SP140: variants seen among roughly 807,000 people sequenced by gnomAD.
The protein encoded by SP140 is nuclear body protein SP140.
In SP140, 81 loss-of-function variants were observed where a neutral mutation model predicts 125.0. That is an observed-to-expected ratio of 0.65 (90% CI 0.54 to 0.78). SP140 has a LOEUF of 0.78. SP140 is among the 30% of genes least tolerant of loss of function. The pLI, the probability that SP140 is intolerant of heterozygous loss-of-function variation, is 0.00. For missense variants in SP140, 858 were observed against 1,037.0 expected (o/e 0.83, Z 2.37); for synonymous variants, 312 against 354.0 (o/e 0.88, Z 1.33).
chr2:230,297,062 C>T (rs1344966927), intron 21 of SP140, among the ~76,000 whole-genome samples: 1 of 152,202 alleles, frequency 6.6e-6, no homozygotes, highest in Non-Finnish European at 1.5e-5. Context: ...GCACTCAGAA[C>T]AAGGAGAGGT....
the SP140 span, among the ~76,000 whole-genome samples, chr2:230,195,617 G>A: frequency 2.0e-4 from 31 of 152,054 alleles, no homozygotes; most frequent in South Asian, 3.9e-3. Flanking sequence ...GGCATGAGCC[G>A]GCATGCCTTA....
At chr2:230,310,602 T>C in intron 23 of SP140, 141 bp from the exon 24 acceptor site, 1 of 1,575,628 alleles carries the variant, frequency 6.3e-7, no homozygotes, top group East Asian at 2.3e-5. Context: ...CATGTGTGAA[T>C]CTTGCATACT....
chr2:230,238,701 G>A, intron 3 of SP140: 1 of 1,297,922 alleles, frequency 7.7e-7, no homozygotes, highest in Non-Finnish European at 1.1e-6. Context: ...TGGGAAAGGA[G>A]GAAGCCTTCT....
At chr2:230,217,292 G>A (rs571854374) in intron 3 of SP140, among the ~76,000 whole-genome samples, 2 of 151,362 alleles carry the variant, frequency 1.3e-5, no homozygotes, top group South Asian at 4.2e-4. Flanking sequence ...AGGAATGTGG[G>A]AAGCTTCTCT....
chr2:230,237,963 C>T lies in SP140; in HGVS notation c.238-250C>T, dbSNP rs951495778. Reference sequence around the variant, plus strand: ...AACCTGGCCAGGCTCTAAAGCCATACACAACATTCAACTTTGAACCCACAC... The same window carrying T: ...AACCTGGCCAGGCTCTAAAGCCATATACAACATTCAACTTTGAACCCACAC... On this transcript the variant is annotated intron_variant, in intron 2 of 26. Transcript: ENST00000392045. The surrounding 1 kb of genome is among the most constrained non-coding windows in gnomAD (Gnocchi z 5.4). 3.2e-4 allele frequency among the ~76,000 whole-genome samples: 48 copies of T among 152,184 alleles called. No homozygotes were observed. Among genetic ancestry groups the T allele is most frequent in the South Asian group, 1.2e-3 (6 of 4,826 alleles).
chr2:230,198,689 G>T (rs1240941170), upstream of SP140, among the ~76,000 whole-genome samples: 1 of 151,984 alleles, frequency 6.6e-6, no homozygotes, highest in Non-Finnish European at 1.5e-5. Context: ...CTGCCTCCTG[G>T]GTTCAAGCAA....
At chr2:230,228,764 T>C (rs1047207539) in intron 1 of SP140, among the ~76,000 whole-genome samples, 2 of 152,222 alleles carry the variant, frequency 1.3e-5, no homozygotes, top group South Asian at 4.1e-4. Context: ...CCTTTATGTT[T>C]AACCTATCTG....
At chr2:230,214,493 C>T (rs2044873378) in intron 3 of SP140, among the ~76,000 whole-genome samples, 1 of 152,144 alleles carries the variant, frequency 6.6e-6, no homozygotes, top group African/African-American at 2.4e-5. Flanking sequence ...TTAAAAATGA[C>T]TTCAAAGGGT....
downstream of SP140, among the ~76,000 whole-genome samples, chr2:230,316,165 G>T (rs1329503312): frequency 2.0e-5 from 3 of 152,178 alleles, no homozygotes; most frequent in African/African-American, 7.2e-5. Flanking sequence ...GGCCTGATAA[G>T]TGAGAAATAT....
At chr2:230,245,534 T>C (rs2049308377) in intron 6 of SP140, among the ~76,000 whole-genome samples, 1 of 151,780 alleles carries the variant, frequency 6.6e-6, no homozygotes, top group Admixed American at 6.6e-5. Flanking sequence ...GTAACAAACA[T>C]CACGAAGGAA....
At chr2:230,238,099 A>G (rs1408649806) in intron 2 of SP140, 114 bp from the exon 3 acceptor site, 2 of 721,456 alleles carry the variant, frequency 2.8e-6, no homozygotes, top group Non-Finnish European at 4.5e-6. Context: ...AGTCATCCAA[A>G]TATACGCAAA....
chr2:230,204,181 C>A (rs2043497470), intron 1 of SP140, among the ~76,000 whole-genome samples: 1 of 152,180 alleles, frequency 6.6e-6, no homozygotes, highest in Non-Finnish European at 1.5e-5. Flanking sequence ...GGTAGCTTGG[C>A]AGAGAGATGT....
At chr2:230,310,473 G>A in intron 23 of SP140, 3 of 735,826 alleles carry the variant, frequency 4.1e-6, no homozygotes, top group Non-Finnish European at 6.5e-6. Context: ...AGGGTTCCCT[G>A]TGCTCCCAGC....
At chr2:230,233,920 A>G (rs1296655587) in intron 1 of SP140, among the ~76,000 whole-genome samples, 2 of 152,262 alleles carry the variant, frequency 1.3e-5, no homozygotes, top group African/African-American at 4.8e-5. Context: ...TATTATGTGA[A>G]GAGTTTTACT....
chr2:230,301,755 G>A (rs2058303076), intron 22 of SP140, among the ~76,000 whole-genome samples: 3 of 152,142 alleles, frequency 2.0e-5, no homozygotes, highest in Admixed American at 2.0e-4. Context: ...GCAACAGCTA[G>A]CATGATGAAT....
chr2:230,279,779 A>G (rs1217852427), intron 15 of SP140, among the ~76,000 whole-genome samples: 1 of 151,886 alleles, frequency 6.6e-6, no homozygotes, highest in Admixed American at 6.6e-5. Context: ...ACAACAGCTG[A>G]TCTGTTTTTT....
At chr2:230,273,057 C>G (rs1389149126) in intron 15 of SP140, among the ~76,000 whole-genome samples, 1 of 152,032 alleles carries the variant, frequency 6.6e-6, no homozygotes, top group Non-Finnish European at 1.5e-5. Context: ...GACAAAGATG[C>G]CAAAAGCAAT....
intron 15 of SP140, among the ~76,000 whole-genome samples, chr2:230,283,217 G>T (rs147449830): frequency 1.0e-3 from 157 of 152,320 alleles, no homozygotes; most frequent in African/African-American, 3.6e-3. Flanking sequence ...TCTTCTGAAA[G>T]ACAGATATCA....
In SP140 at chr2:230,211,207, G is replaced by A. The variant is rs886141134; in HGVS notation, c.-322-2447G>A. The stretch of plus-strand genomic sequence containing the variant: ...GTCCAAACCTACAGGCACTGGTGGG[G>A]CTCTGTCCATCATCATCCGTGGCCC... On this transcript the variant is annotated intron_variant, in intron 1 of 4. Transcript: ENST00000456542. The surrounding 1 kb of genome is among the most constrained non-coding windows in gnomAD (Gnocchi z 4.2). Among the ~76,000 whole-genome samples, 7 of 152,144 alleles carry A rather than the reference G, an allele frequency of 4.6e-5. No homozygotes were observed. The highest frequency in any genetic ancestry group is 1.0e-4 in the Non-Finnish European group (7 of 68,026).
Sources: allele counts gnomAD v4.1 joint callset (sites outside exome capture counted in the v4.1 genomes callset), GRCh38; gene constraint gnomAD v4.1.1; non-coding constraint Gnocchi (gnomAD v3.1); transcripts MANE v1.5; gene names NCBI Gene and HGNC (gene_info 2026-07-23, HGNC 2026-07-21).